Variants in CDC42SE2 observed in about 807,000 individuals in gnomAD.
CDC42SE2 encodes the protein CDC42 small effector 2, also known as CDC42 small effector protein 2.
In CDC42SE2, 3 loss-of-function variants were observed where a neutral mutation model predicts 11.5. The ratio of observed to expected loss-of-function variants is 0.26; its 90% CI spans 0.12 to 0.67. The LOEUF (loss-of-function observed/expected upper bound fraction) is 0.67. Ranked by LOEUF, CDC42SE2 falls within the 30% of genes least tolerant of loss-of-function variation. The pLI, the probability that CDC42SE2 is intolerant of heterozygous loss-of-function variation, is 0.80. For synonymous variants in CDC42SE2, 33 were observed against 34.8 expected, an observed-to-expected ratio of 0.95 and a Z score of 0.18; for missense variants, 82 against 106.8, an observed-to-expected ratio of 0.77 and a Z score of 1.02.
intron 1 of CDC42SE2, among the ~76,000 whole-genome samples, chr5:131,294,659 T>C (rs1757530306): frequency 1.3e-5 from 2 of 152,002 alleles, no homozygotes; most frequent in African/African-American, 4.8e-5. Context: ...CAGTTATAAA[T>C]AGGATGGCAA....
At chr5:131,334,855 T>C (rs1167232885) in intron 2 of CDC42SE2, among the ~76,000 whole-genome samples, 1 of 152,170 alleles carries the variant, frequency 6.6e-6, no homozygotes, top group Non-Finnish European at 1.5e-5. Context: ...TTCTTCTCTC[T>C]TTTCTTCTTT....
chr5:131,390,136 G>A (rs1209448476), intron 4 of CDC42SE2, among the ~76,000 whole-genome samples: 12 of 152,308 alleles, frequency 7.9e-5, no homozygotes, highest in Non-Finnish European at 1.5e-4. Context: ...CTGATACTCA[G>A]AGAGGATAAA....
At chr5:131,214,276 T>C in the CDC42SE2 span, among the ~76,000 whole-genome samples, 3 of 152,190 alleles carry the variant, frequency 2.0e-5, no homozygotes, top group Non-Finnish European at 4.4e-5. Flanking sequence ...AGGAGGCTGA[T>C]TCCTTGAGCC....
intron 1 of CDC42SE2, among the ~76,000 whole-genome samples, chr5:131,311,643 T>G (rs1283359471): frequency 6.6e-6 from 1 of 152,176 alleles, no homozygotes; most frequent in African/African-American, 2.4e-5. Flanking sequence ...TGCTCGTTTC[T>G]TTTTATTCTT....
intron 2 of CDC42SE2, among the ~76,000 whole-genome samples, chr5:131,339,249 A>G (rs1249049511): frequency 4.2e-5 from 6 of 144,098 alleles, no homozygotes; most frequent in Non-Finnish European, 7.5e-5. Flanking sequence ...TCTGTCTGAA[A>G]AAAAAAAAAA....
chr5:131,383,366 C>T (rs906909413), intron 3 of CDC42SE2, among the ~76,000 whole-genome samples: 1 of 152,192 alleles, frequency 6.6e-6, no homozygotes, highest in African/African-American at 2.4e-5. Context: ...TTTTATGATT[C>T]TGTGGAACAG....
chr5:131,223,258 G>T, the CDC42SE2 span, among the ~76,000 whole-genome samples: 1 of 152,106 alleles, frequency 6.6e-6, no homozygotes, highest in Non-Finnish European at 1.5e-5. Context: ...CAGACCATCA[G>T]GAATGCCCCT....
chr5:131,370,993 G>C (rs1274859757), intron 3 of CDC42SE2, among the ~76,000 whole-genome samples: 1 of 152,182 alleles, frequency 6.6e-6, no homozygotes, highest in Non-Finnish European at 1.5e-5. Context: ...TTTCAAATCA[G>C]TAGTAGGGTG....
chr5:131,309,592 G>T (rs1757856696), intron 1 of CDC42SE2, among the ~76,000 whole-genome samples: 1 of 151,552 alleles, frequency 6.6e-6, no homozygotes, highest in African/African-American at 2.4e-5. Flanking sequence ...CTTTTTGTTT[G>T]GTAAGCTATT....
At chr5:131,325,336 T>C (rs908910235) in intron 2 of CDC42SE2, among the ~76,000 whole-genome samples, 1 of 152,216 alleles carries the variant, frequency 6.6e-6, no homozygotes, top group Non-Finnish European at 1.5e-5. Flanking sequence ...AATATTTGAA[T>C]AGATATGAAA....
chr5:131,221,810 C>A, the CDC42SE2 span, among the ~76,000 whole-genome samples: 1 of 152,134 alleles, frequency 6.6e-6, no homozygotes, highest in South Asian at 2.1e-4. Context: ...TTTTCACCTT[C>A]ATTTACAGCA....
chr5:131,335,316 A>G (rs923364238), intron 2 of CDC42SE2, among the ~76,000 whole-genome samples: 5 of 152,196 alleles, frequency 3.3e-5, no homozygotes, highest in Admixed American at 6.5e-5. Context: ...GTTTGATTGC[A>G]CTGTGGTCTG....
chr5:131,261,230 T>C (rs1756722918), upstream of CDC42SE2: 1 of 152,258 alleles, frequency 6.6e-6, no homozygotes, highest in African/African-American at 2.4e-5. Flanking sequence ...GAATAAATTA[T>C]GAAGAGTGTC....
intron 1 of CDC42SE2, among the ~76,000 whole-genome samples, chr5:131,292,971 G>A (rs1757494161): frequency 6.9e-6 from 1 of 145,770 alleles, no homozygotes; most frequent in South Asian, 2.2e-4. Flanking sequence ...GAACATAGTT[G>A]TTCATTTGAA....
intron 3 of CDC42SE2, 73 bp downstream of exon 3, chr5:131,359,620 T>G (rs1017237571): frequency 1.2e-4 from 133 of 1,098,172 alleles, no homozygotes; most frequent in Admixed American, 1.7e-4. Context: ...AACTGAGGAT[T>G]GGGATCCTAG....
chr5:131,296,536 C>T (rs751978751), intron 1 of CDC42SE2, among the ~76,000 whole-genome samples: 4 of 152,188 alleles, frequency 2.6e-5, no homozygotes, highest in African/African-American at 4.8e-5. Flanking sequence ...AGCTGCTTTA[C>T]TCCAGTCTCT....
At chr5:131,293,399 C>T (rs1314404718) in intron 1 of CDC42SE2, among the ~76,000 whole-genome samples, 1 of 152,096 alleles carries the variant, frequency 6.6e-6, no homozygotes, top group Non-Finnish European at 1.5e-5. Flanking sequence ...TGGTGAAACC[C>T]TGTTTCTACT....
intron 1 of CDC42SE2, among the ~76,000 whole-genome samples, chr5:131,247,390 G>A (rs6886771): frequency 0.083 from 12,690 of 152,116 alleles, 1,137 homozygotes; most frequent in African/African-American, 0.23. Flanking sequence ...AGGCCGAGGC[G>A]AGTGGATCAC....
chr5:131,308,785 A>G (rs1430133585), intron 1 of CDC42SE2, among the ~76,000 whole-genome samples: 1 of 151,804 alleles, frequency 6.6e-6, no homozygotes, highest in Non-Finnish European at 1.5e-5. Context: ...TGATTTTTGT[A>G]CATTGATTTT....
Sources: gnomAD v4.1 joint callset for allele counts (sites outside exome capture counted in the v4.1 genomes callset) on GRCh38, gnomAD v4.1.1 for gene constraint, MANE v1.5 for transcripts, NCBI Gene and HGNC (gene_info 2026-07-23, HGNC 2026-07-21) for gene names.